Variants in SH3GLB2 observed in about 807,000 individuals in gnomAD.
SH3GLB2 encodes the protein SH3 domain containing GRB2 like, endophilin B2, also known as endophilin-B2.
A neutral mutation model predicts 48.0 loss-of-function variants in SH3GLB2; 24 were observed. That is an observed-to-expected ratio of 0.50 (90% CI 0.36 to 0.70). The LOEUF (loss-of-function observed/expected upper bound fraction) is 0.70. Among genes scored for constraint, SH3GLB2 ranks in the 30% least tolerant of loss-of-function variants. SH3GLB2 has a pLI of 0.00. For missense variants in SH3GLB2, 425 were observed against 516.0 expected, an observed-to-expected ratio of 0.82 and a Z score of 1.71; for synonymous variants, 227 against 207.6, an observed-to-expected ratio of 1.09 and a Z score of -0.80.
At chr9:129,012,074 G>T in intron 6 of SH3GLB2, 162 bp downstream of exon 6, 1 of 422,744 alleles carries the variant, frequency 2.4e-6, no homozygotes, top group South Asian at 1.2e-4. Flanking sequence ...GACAGAGGTG[G>T]GGGCTGCTGC....
chr9:129,013,892 GGGA>G, intron 5 of SH3GLB2: 1 of 378,660 alleles, frequency 2.6e-6, no homozygotes, highest in South Asian at 1.9e-5. Flanking sequence ...TCAGTGAGCT[GGGA>G]GTGAAGGGGG....
At chr9:129,010,079 G>T in intron 8 of SH3GLB2, 41 bp downstream of exon 8, 1 of 1,583,568 alleles carries the variant, frequency 6.3e-7, no homozygotes, top group African/African-American at 1.3e-5. Context: ...CCTGGTGCCT[G>T]CTGAGGGTTA....
intron 2 of SH3GLB2, 147 bp from the exon 3 acceptor site, chr9:129,021,366 A>T (rs1420700864): frequency 2.0e-6 from 2 of 1,019,384 alleles, no homozygotes; most frequent in Non-Finnish European, 2.8e-6. Flanking sequence ...CAACCCTGAG[A>T]CTGTTGTGAT....
In SH3GLB2 at chr9:129,009,101, C is replaced by G. The variant is rs761219846; in HGVS notation, c.1080+5G>C. 3.7e-5 allele frequency: 60 copies of G among 1,606,820 alleles called. No individual in the cohort carries two copies. The highest frequency in any genetic ancestry group is 4.7e-5 in the Non-Finnish European group (55 of 1,179,708). ...TCCTGCCCCACCTTGCGGCACCGGG[C>G]CCACCTCATCAGCCAGCAGGGCCAG... On this transcript the variant is annotated splice_donor_5th_base_variant and intron_variant, in intron 10 of 10. Coordinates refer to ENST00000372564, the MANE Select transcript of SH3GLB2 (RefSeq NM_020145.4).
At chr9:129,024,256 C>CAAA (rs1169096733) in intron 1 of SH3GLB2, among the ~76,000 whole-genome samples, 826 of 52,976 alleles carry the variant, frequency 0.016, no homozygotes, top group East Asian at 0.022. Flanking sequence ...CTCCTCTCTA[C>CAAA]AAAAAAAAAA....
At position 129,009,366 on chromosome 9, in the gene SH3GLB2, C is replaced by A. The variant is rs1317759285; in HGVS notation, c.840-20G>T. On this transcript the variant is annotated intron_variant, in intron 9 of 10. Transcript: ENST00000372564. ...GGAAATCTGGAGAGGAGGGATACAT[C>A]TTAGCAGGTGGGAGTCCCAGAAGGG... 25 of 1,550,886 alleles carry A rather than the reference C, an allele frequency of 1.6e-5. No individual in the cohort carries two copies. In the South Asian group the frequency reaches 2.5e-4, roughly 15 times the overall value.
intron 6 of SH3GLB2, chr9:129,010,927 T>C (rs1843083841): frequency 1.7e-6 from 1 of 584,496 alleles, no homozygotes; most frequent in African/African-American, 1.9e-5. Flanking sequence ...GCAGGAGTCC[T>C]GCTTATATTT....
intron 5 of SH3GLB2, chr9:129,013,156 G>T: frequency 1.1e-6 from 1 of 898,260 alleles, no homozygotes. Context: ...AGGCACCACA[G>T]CCTGCCCTCC....
At chr9:129,012,158 C>T (rs1399506604) in intron 6 of SH3GLB2, 78 bp downstream of exon 6, 2 of 780,496 alleles carry the variant, frequency 2.6e-6, no homozygotes, top group African/African-American at 4.1e-5. Flanking sequence ...CTTCTAGCTC[C>T]TGTGCAGTCA....
In SH3GLB2 at chr9:129,010,106, G is replaced by C. The variant is rs1308584090; in HGVS notation, c.738+14C>G. ...TGAGGGTTAGGTTTAGTGAGGGTGG[G>C]CAGTGGGACTCACGTGAGTGCTACT... On this transcript the variant is annotated intron_variant, in intron 8 of 10. Coordinates refer to ENST00000372564, the MANE Select transcript of SH3GLB2 (RefSeq NM_020145.4). The C allele has an allele frequency of 1.2e-6, 2 of 1,609,338 alleles. No individual in the cohort carries two copies. Among genetic ancestry groups the C allele is most frequent in the Non-Finnish European group, 1.7e-6 (2 of 1,175,816 alleles).
At chr9:129,026,523 A>G (rs1042633948) in intron 1 of SH3GLB2, among the ~76,000 whole-genome samples, 1 of 152,102 alleles carries the variant, frequency 6.6e-6, no homozygotes, top group African/African-American at 2.4e-5. Flanking sequence ...GAAAGCCTCT[A>G]TTTATAAAGC....
chr9:129,021,028 G>A (rs1338983795), intron 3 of SH3GLB2, 63 bp downstream of exon 3: 1 of 1,383,528 alleles, frequency 7.2e-7, no homozygotes, highest in Non-Finnish European at 9.5e-7. Context: ...AAAAGGAAGG[G>A]AGGGAGGGAG....
At chr9:129,022,652 T>C (rs1446627681) in intron 1 of SH3GLB2, among the ~76,000 whole-genome samples, 1 of 152,196 alleles carries the variant, frequency 6.6e-6, no homozygotes, top group Non-Finnish European at 1.5e-5. Context: ...CAGCTTCTTT[T>C]GGAAATCCAA....
Position 129,014,788 on chromosome 9 carries a change from C to G in SH3GLB2, c.451G>C (p.Asp151His). 1 of 1,613,494 alleles carries G rather than the reference C, an allele frequency of 6.2e-7. No homozygotes were observed. The change falls in exon 4 of 11, where the codon GAC (aspartate) becomes CAC (histidine). Residue 151 changes from aspartate to histidine, a missense_variant. By Grantham distance (81) the Asp-to-His change is moderately conservative. Coordinates refer to ENST00000372564, the MANE Select transcript of SH3GLB2 (RefSeq NM_020145.4). The surrounding 1 kb of genome is among the most constrained non-coding windows in gnomAD (Gnocchi z 4.1). The part of the protein sequence containing the change: ...LTPLRNFLEG[D>H]WKTISKERRL... ...GCCCTCACCGAGATGGTCTTCCAGT[C>G]CCCCTCCAGGAAGTTGCGCAAGGGT...
chr9:129,016,148 A>C (rs2131262369), intron 3 of SH3GLB2, among the ~76,000 whole-genome samples: 1 of 151,416 alleles, frequency 6.6e-6, no homozygotes, highest in East Asian at 2.0e-4. Context: ...TTCGAGACCA[A>C]CCTGGACAAC....
chr9:129,023,140 G>A (rs1843920715), intron 1 of SH3GLB2, among the ~76,000 whole-genome samples: 2 of 152,202 alleles, frequency 1.3e-5, no homozygotes, highest in South Asian at 2.1e-4. Flanking sequence ...GGTGCTATGA[G>A]CTGATGGGTG....
intron 1 of SH3GLB2, 51 bp from the exon 2 acceptor site, chr9:129,022,474 G>T: frequency 6.6e-7 from 1 of 1,524,882 alleles, no homozygotes; most frequent in Non-Finnish European, 9.0e-7. Flanking sequence ...CTCAGAAGGA[G>T]GTGGGGGAGT....
chr9:129,014,389 A>C lies in SH3GLB2; in HGVS notation c.561+22T>G, dbSNP rs1470782014. On this transcript the variant is annotated intron_variant, in intron 5 of 10. Transcript: ENST00000372564. This position sits in a 1 kb window ranked among gnomAD's most constrained non-coding sequence, Gnocchi z 4.1. ...CAGCCAGAGCCTGGGCCAGGAGGCC[A>C]GCGGGGAGCGGGGACACCTACCGTG... 3.2e-6 allele frequency: 5 copies of C among 1,548,254 alleles called. No individual in the cohort carries two copies. The highest frequency in any genetic ancestry group is 3.5e-6 in the Non-Finnish European group (4 of 1,146,100).
At position 129,021,197 on chromosome 9, in the gene SH3GLB2, C is replaced by T. The variant is rs754481111; in HGVS notation, c.228G>A (p.Leu76=). Residue 76 remains leucine, a synonymous_variant, in exon 3 of 11, where the codon CTG becomes CTA. Transcript: ENST00000372564. ...PNPSARVEEF[L]YEKLDRKVPS... ...GGACCTTCCTGTCCAGCTTCTCATA[C>T]AGGAACTCCTCCACTCGGGCACCTG... 4.3e-6 allele frequency: 7 copies of T among 1,610,512 alleles called. 1 individual carries two copies. The highest frequency in any genetic ancestry group is 1.1e-5 in the South Asian group (1 of 90,688).
Sources: gnomAD v4.1 joint callset for allele counts (sites outside exome capture counted in the v4.1 genomes callset) on GRCh38, gnomAD v4.1.1 for gene constraint, Gnocchi (gnomAD v3.1) non-coding constraint, MANE v1.5 for transcripts, NCBI Gene and HGNC (gene_info 2026-07-23, HGNC 2026-07-21) for gene names.